CCSER1: variants seen among roughly 807,000 people sequenced by gnomAD.
The protein encoded by CCSER1 is serine-rich coiled-coil domain-containing protein 1.
A neutral mutation model predicts 82.0 loss-of-function variants in CCSER1; 41 were observed. The observed-to-expected ratio is 0.50, with a 90% CI of 0.39 to 0.65. CCSER1 has a LOEUF of 0.65. CCSER1 is among the 30% of genes least tolerant of loss of function. The pLI is 0.00. For missense variants in CCSER1, 1,119 were observed against 1,064.2 expected (o/e 1.05, Z -0.72); for synonymous variants, 414 against 383.9 (o/e 1.08, Z -0.92).
intron 10 of CCSER1, among the ~76,000 whole-genome samples, chr4:91,410,167 T>TA (rs1752940200): frequency 2.0e-5 from 3 of 152,218 alleles, no homozygotes; most frequent in Admixed American, 1.3e-4. Context: ...AAAAGTTACC[T>TA]AGTCAAAAGC....
intron 7 of CCSER1, among the ~76,000 whole-genome samples, chr4:90,809,089 A>G (rs770256976): frequency 2.0e-5 from 3 of 152,114 alleles, no homozygotes; most frequent in Non-Finnish European, 2.9e-5. Context: ...ATGCTGGGGT[A>G]GGAGGATCAC....
chr4:91,501,543 G>A (rs1235028063), intron 10 of CCSER1, among the ~76,000 whole-genome samples: 1 of 151,740 alleles, frequency 6.6e-6, no homozygotes, highest in Non-Finnish European at 1.5e-5. Flanking sequence ...AATAGGACAG[G>A]TATTTATTTG....
chr4:90,993,813 T>A (rs762488904), intron 9 of CCSER1, among the ~76,000 whole-genome samples: 10 of 152,052 alleles, frequency 6.6e-5, no homozygotes, highest in Non-Finnish European at 1.3e-4. Flanking sequence ...ATATTGAGGT[T>A]TACGTCTTCA....
At chr4:90,724,609 C>T (rs781369856) in intron 7 of CCSER1, 1 of 324,630 alleles carries the variant, frequency 3.1e-6, no homozygotes, top group Non-Finnish European at 6.0e-6. Context: ...GCTTGTAGAT[C>T]AACTATTTTA....
At position 91,391,491 on chromosome 4, in the gene CCSER1, G is replaced by C. The variant is rs138754281; in HGVS notation, c.2218-207081G>C. ...AATTTTTTATTTTTTTGTACAGATG[G>C]TGTGTCCCTATGTTGCCCAGGCTGG... On this transcript the variant is annotated intron_variant, in intron 10 of 10. Transcript: ENST00000509176. Among the ~76,000 whole-genome samples the C allele has an allele frequency of 7.2e-3, 1,102 of 152,066 alleles. 19 individuals carry two copies. The highest frequency in any genetic ancestry group is 0.025 in the African/African-American group (1,043 of 41,490).
intron 9 of CCSER1, among the ~76,000 whole-genome samples, chr4:90,990,986 G>C (rs1186243482): frequency 6.6e-6 from 1 of 151,882 alleles, no homozygotes; most frequent in Non-Finnish European, 1.5e-5. Context: ...GCAAGGAGCT[G>C]ATAGAATCCA....
chr4:90,838,306 T>C (rs1315981769), intron 8 of CCSER1, among the ~76,000 whole-genome samples: 1 of 151,664 alleles, frequency 6.6e-6, no homozygotes, highest in Non-Finnish European at 1.5e-5. Flanking sequence ...TGTATTTATT[T>C]AAAACATTTC....
At chr4:91,397,828 G>A (rs1165797925) in intron 10 of CCSER1, among the ~76,000 whole-genome samples, 4 of 151,936 alleles carry the variant, frequency 2.6e-5, no homozygotes, top group Non-Finnish European at 5.9e-5. Flanking sequence ...CAAATGTGAT[G>A]GTGTGAAATA....
chr4:91,595,953 A>AC (rs1764552273), intron 10 of CCSER1, among the ~76,000 whole-genome samples: 1 of 151,118 alleles, frequency 6.6e-6, no homozygotes. Context: ...TAAAAAAAAA[A>AC]AAAAAAAAAA....
chr4:90,378,547 C>T (rs970721214), intron 3 of CCSER1, among the ~76,000 whole-genome samples: 5 of 152,060 alleles, frequency 3.3e-5, no homozygotes, highest in South Asian at 2.1e-4. Context: ...TCCTTATATC[C>T]TTAGTGGCTT....
At chr4:91,187,394 C>A (rs997432637) in intron 10 of CCSER1, among the ~76,000 whole-genome samples, 11 of 151,904 alleles carry the variant, frequency 7.2e-5, no homozygotes, top group Admixed American at 4.6e-4. Flanking sequence ...AAATTGCCGT[C>A]CAAATAAAAT....
intron 10 of CCSER1, among the ~76,000 whole-genome samples, chr4:91,489,259 T>A (rs1758382061): frequency 6.6e-6 from 1 of 152,166 alleles, no homozygotes; most frequent in South Asian, 2.1e-4. Flanking sequence ...GTCAGAAATG[T>A]AGATGAGTAA....
intron 8 of CCSER1, 100 bp from the exon 9 acceptor site, chr4:90,923,270 C>G (rs1728640872): frequency 1.2e-6 from 1 of 826,852 alleles, no homozygotes; most frequent in Admixed American, 2.1e-5. Flanking sequence ...CAGAGAAGAA[C>G]ATGAATTATA....
At chr4:90,223,351 A>G (rs1424330734) in intron 1 of CCSER1, among the ~76,000 whole-genome samples, 2 of 152,162 alleles carry the variant, frequency 1.3e-5, no homozygotes, top group South Asian at 4.1e-4. Flanking sequence ...GTAAATTTGT[A>G]CTTCTTTACA....
chr4:91,028,765 A>ACTCC (rs1266872308), intron 9 of CCSER1, among the ~76,000 whole-genome samples: 1 of 151,772 alleles, frequency 6.6e-6, no homozygotes, highest in Admixed American at 6.6e-5. Flanking sequence ...AATAAGCATG[A>ACTCC]CTCCCCATGG....
chr4:90,152,920 A>C (rs1727156530), intron 1 of CCSER1, among the ~76,000 whole-genome samples: 1 of 150,466 alleles, frequency 6.6e-6, no homozygotes, highest in Non-Finnish European at 1.5e-5. Flanking sequence ...GTTTTAGGGT[A>C]CATGTGCACA....
chr4:90,487,468 A>G (rs781255146), intron 5 of CCSER1, among the ~76,000 whole-genome samples: 4 of 152,172 alleles, frequency 2.6e-5, no homozygotes, highest in Non-Finnish European at 5.9e-5. Flanking sequence ...CCTTTCTATC[A>G]TATACTTGTT....
chr4:90,200,793 C>T (rs1415608495), intron 1 of CCSER1, among the ~76,000 whole-genome samples: 3 of 151,722 alleles, frequency 2.0e-5, no homozygotes, highest in Admixed American at 6.6e-5. Flanking sequence ...TCTACCTTAG[C>T]ATCCTTAAAA....
chr4:91,420,973 T>C (rs1034578788), intron 10 of CCSER1, among the ~76,000 whole-genome samples: 1 of 152,192 alleles, frequency 6.6e-6, no homozygotes, highest in Non-Finnish European at 1.5e-5. Context: ...AAATCCTGTG[T>C]GATCTCACTT....
Sources: allele counts gnomAD v4.1 joint callset (sites outside exome capture counted in the v4.1 genomes callset), GRCh38; gene constraint gnomAD v4.1.1; transcripts MANE v1.5; gene names NCBI Gene and HGNC (gene_info 2026-07-23, HGNC 2026-07-21).